POT1: variants seen among roughly 807,000 people sequenced by gnomAD.
POT1 encodes the protein protection of telomeres protein 1.
A neutral mutation model predicts 78.5 loss-of-function variants in POT1; 47 were observed. The ratio of observed to expected loss-of-function variants is 0.60; its 90% confidence interval spans 0.47 to 0.76. The LOEUF (loss-of-function observed/expected upper bound fraction) is 0.76. Among genes scored for constraint, POT1 ranks in the 30% least tolerant of loss-of-function variants. The probability of loss-of-function intolerance (pLI) is 0.00; values close to 1 mark genes in which losing one functional copy is unlikely to be tolerated. For missense variants in POT1, 646 were observed against 749.9 expected, an observed-to-expected ratio of 0.86 and a Z score of 1.62; for synonymous variants, 259 against 260.7, an observed-to-expected ratio of 0.99 and a Z score of 0.06.
intron 2 of POT1, among the ~76,000 whole-genome samples, chr7:124,926,002 T>C: frequency 6.6e-6 from 1 of 151,948 alleles, no homozygotes; most frequent in Admixed American, 6.6e-5. Context: ...ACTATAAAAA[T>C]ATAGAAGAAA....
chr7:124,887,906 C>T (rs562092233), intron 6 of POT1, among the ~76,000 whole-genome samples: 2 of 152,082 alleles, frequency 1.3e-5, no homozygotes, highest in South Asian at 4.1e-4. Flanking sequence ...TTGATGTTTT[C>T]GTTTACATGT....
intron 2 of POT1, among the ~76,000 whole-genome samples, chr7:124,917,288 T>C (rs1047939425): frequency 6.6e-6 from 1 of 152,140 alleles, no homozygotes; most frequent in East Asian, 1.9e-4. Flanking sequence ...GAGATCTTAT[T>C]TGAGGCAAAG....
intron 7 of POT1, among the ~76,000 whole-genome samples, chr7:124,870,245 CAATTA>C (rs1378384396): frequency 6.6e-6 from 1 of 151,874 alleles, no homozygotes; most frequent in Non-Finnish European, 1.5e-5. Flanking sequence ...CAAAAAAGCT[CAATTA>C]AATAAATATT....
intron 7 of POT1, among the ~76,000 whole-genome samples, chr7:124,869,591 A>G (rs1003415384): frequency 9.2e-5 from 14 of 152,110 alleles, no homozygotes; most frequent in African/African-American, 3.1e-4. Context: ...TTATTTATTT[A>G]TTTATTTTTG....
chr7:124,853,797 C>T (rs1337353813), intron 9 of POT1, among the ~76,000 whole-genome samples: 3 of 151,984 alleles, frequency 2.0e-5, no homozygotes, highest in Non-Finnish European at 4.4e-5. Context: ...TAAACTTAGT[C>T]TACAAATGTC....
intron 16 of POT1, among the ~76,000 whole-genome samples, chr7:124,828,343 C>T (rs1369890498): frequency 6.6e-6 from 1 of 152,028 alleles, no homozygotes; most frequent in East Asian, 1.9e-4. Flanking sequence ...AGAAATTAGA[C>T]ATACTGGGTA....
intron 3 of POT1, among the ~76,000 whole-genome samples, chr7:124,899,593 G>A (rs1349082983): frequency 6.6e-6 from 1 of 152,078 alleles, no homozygotes; most frequent in East Asian, 1.9e-4. Context: ...TATACACTCT[G>A]TTTTCAAGTG....
chr7:124,889,176 G>A (rs1051180329), intron 6 of POT1, among the ~76,000 whole-genome samples: 1 of 152,034 alleles, frequency 6.6e-6, no homozygotes, highest in Admixed American at 6.6e-5. Flanking sequence ...TGAATGAGAA[G>A]AAAGTCAAAG....
chr7:124,919,738 A>C (rs1331613438), intron 2 of POT1, among the ~76,000 whole-genome samples: 4 of 152,154 alleles, frequency 2.6e-5, no homozygotes, highest in Non-Finnish European at 4.4e-5. Context: ...AGCCTTCAGA[A>C]CTATGAGAAA....
At chr7:124,853,360 G>C in intron 9 of POT1, 1 of 433,524 alleles carries the variant, frequency 2.3e-6, no homozygotes. Flanking sequence ...ATGCGTGTGT[G>C]CACACACATA....
At chr7:124,884,497 T>C (rs560064846) in intron 6 of POT1, among the ~76,000 whole-genome samples, 3 of 151,808 alleles carry the variant, frequency 2.0e-5, no homozygotes, top group African/African-American at 7.3e-5. Context: ...TAATGGGAGG[T>C]AGGGTAAGAG....
intron 11 of POT1, among the ~76,000 whole-genome samples, chr7:124,850,589 G>A (rs1300149307): frequency 4.6e-5 from 7 of 152,052 alleles, no homozygotes; most frequent in East Asian, 1.9e-4. Context: ...AAAATTAGCC[G>A]GGTGTGGTGG....
At chr7:124,863,925 C>A (rs1011636475) in intron 7 of POT1, among the ~76,000 whole-genome samples, 3 of 151,950 alleles carry the variant, frequency 2.0e-5, no homozygotes, top group African/African-American at 7.3e-5. Context: ...ATCAAGCTTG[C>A]AGTTTTACAT....
At chr7:124,843,682 G>A (rs182744212) in intron 12 of POT1, among the ~76,000 whole-genome samples, 2 of 152,300 alleles carry the variant, frequency 1.3e-5, no homozygotes, top group East Asian at 3.9e-4. Context: ...CTGGGAAAAA[G>A]TATAAAATTG....
At chr7:124,839,357 T>C (rs1486535728) in intron 14 of POT1, among the ~76,000 whole-genome samples, 1 of 152,228 alleles carries the variant, frequency 6.6e-6, no homozygotes, top group African/African-American at 2.4e-5. Flanking sequence ...TAAAGAACTG[T>C]AAAGCAGAAT....
Position 124,892,355 on chromosome 7 carries a change from G to A in POT1, c.35C>T (p.Thr12Ile), listed in dbSNP as rs2116629866. ...ACCACCCTTAAGTTGATTCAGGGGT[G>A]TATATATATAATTTGTTGCTGGAAC... is the stretch of plus-strand genomic sequence containing the variant. ...SLVPATNYIY[T>I]PLNQLKGGTI... The change falls in exon 6 of 19, where the codon ACA becomes ATA. Residue 12 changes from threonine (T) to isoleucine (I), a missense_variant. Thr to Ile is a moderately conservative substitution (Grantham distance 89). Transcript: ENST00000357628. 6.7e-7 allele frequency: 1 copy of A among 1,490,838 alleles called. No homozygotes were observed. Among genetic ancestry groups the A allele is most frequent in the South Asian group, 1.4e-5 (1 of 71,320 alleles). 92.4% of individuals were successfully genotyped at this position (1,490,838 alleles called of 1,614,324 possible). A position where few individuals can be genotyped will look rare whatever the true frequency, so the allele number is the denominator to read the frequency against.
rs574252183 is a variant in POT1 at position 124,875,538 on chromosome 7, G to A, written c.125-4497C>T. Reference sequence around the variant, plus strand: ...TTTAAAATTTGTGCCCATGGTCAGTGAGAACACTGATGGAGGAAGTCATTT... The same window carrying A: ...TTTAAAATTTGTGCCCATGGTCAGTAAGAACACTGATGGAGGAAGTCATTT... On this transcript the variant is annotated intron_variant, in intron 6 of 18. Transcript: ENST00000357628. Among the ~76,000 whole-genome samples the A allele has an allele frequency of 6.6e-5, 10 of 152,258 alleles. 1 individual carries two copies. Among genetic ancestry groups the A allele is most frequent in the South Asian group, 6.2e-4 (3 of 4,824 alleles).
At chr7:124,846,837 A>G in intron 12 of POT1, 105 bp downstream of exon 12, 2 of 765,852 alleles carry the variant, frequency 2.6e-6, no homozygotes, top group Non-Finnish European at 4.3e-6. Context: ...GCTTTAAAGG[A>G]TATGTGTTCT....
chr7:124,836,059 C>G (rs2116446354), intron 14 of POT1, among the ~76,000 whole-genome samples: 1 of 152,288 alleles, frequency 6.6e-6, no homozygotes, highest in Non-Finnish European at 1.5e-5. Flanking sequence ...AAAAATACCT[C>G]TGTGTATTTC....
Sources: gnomAD v4.1 joint callset for allele counts (sites outside exome capture counted in the v4.1 genomes callset) on GRCh38, gnomAD v4.1.1 for gene constraint, MANE v1.5 for transcripts, NCBI Gene and HGNC (gene_info 2026-07-23, HGNC 2026-07-21) for gene names.